Variants in NREP observed in about 807,000 individuals in gnomAD.
NREP encodes neuronal regeneration related protein.
In NREP, 5 loss-of-function variants were observed where a neutral mutation model predicts 8.6. The observed-to-expected ratio is 0.58, with a 90% CI of 0.30 to 1.22. The LOEUF is 1.22. NREP is among the 50% of genes most tolerant of loss of function. The pLI, the probability that NREP is intolerant of heterozygous loss-of-function variation, is 0.07. For synonymous variants in NREP, 27 were observed against 28.0 expected (o/e 0.96, Z 0.11); for missense variants, 86 against 82.5 (o/e 1.04, Z -0.17).
intron 2 of NREP, among the ~76,000 whole-genome samples, chr5:111,844,677 ATT>A (rs994732861): frequency 6.1e-5 from 9 of 146,708 alleles, no homozygotes; most frequent in Admixed American, 2.1e-4. Context: ...TTATATATAT[ATT>A]ATATATATAT....
At chr5:111,740,764 T>C (rs1046462172) in intron 2 of NREP, among the ~76,000 whole-genome samples, 7 of 152,212 alleles carry the variant, frequency 4.6e-5, no homozygotes, top group African/African-American at 1.7e-4. Context: ...ATGGTCCAAA[T>C]ACAGAATCAA....
At chr5:111,947,318 T>C (rs1756016504) in intron 2 of NREP, among the ~76,000 whole-genome samples, 1 of 151,992 alleles carries the variant, frequency 6.6e-6, no homozygotes, top group Non-Finnish European at 1.5e-5. Context: ...TCAATGTTCT[T>C]TCAATTAAGA....
In NREP at chr5:111,783,305, C is replaced by T. The variant is rs77382037; in HGVS notation, c.136-47798G>A. Among the ~76,000 whole-genome samples, 1,203 of 152,266 alleles carry T rather than the reference C, an allele frequency of 7.9e-3. 19 individuals are homozygous for T. Among genetic ancestry groups the T allele is most frequent in the African/African-American group, 0.028 (1,156 of 41,534 alleles). ...ATTCCTGCTTTAGCAGATTTTGTAA[C>T]TTGAAATTTTGATTTCCTTAAATGG... is the stretch of plus-strand genomic sequence containing the variant. On this transcript the variant is annotated intron_variant, in intron 2 of 3. Transcript: ENST00000395634.
chr5:111,869,193 C>A (rs1392431124), intron 2 of NREP, among the ~76,000 whole-genome samples: 1 of 152,162 alleles, frequency 6.6e-6, no homozygotes, highest in Non-Finnish European at 1.5e-5. Flanking sequence ...TATAGAATCT[C>A]CACACTCACA....
chr5:111,976,364 C>G (rs1756963734), intron 1 of NREP, among the ~76,000 whole-genome samples: 1 of 152,174 alleles, frequency 6.6e-6, no homozygotes, highest in African/African-American at 2.4e-5. Context: ...CTGGAACATT[C>G]CTCTTTGCCA....
chr5:111,904,499 A>T (rs918197052), intron 2 of NREP, among the ~76,000 whole-genome samples: 18 of 152,190 alleles, frequency 1.2e-4, no homozygotes, highest in Admixed American at 4.6e-4. Context: ...ATATCATTGG[A>T]ATTATATAGT....
chr5:111,866,132 A>G (rs1056726143), intron 2 of NREP, among the ~76,000 whole-genome samples: 3 of 152,308 alleles, frequency 2.0e-5, no homozygotes, highest in African/African-American at 7.2e-5. Context: ...AATGGCAACA[A>G]AAGCCAAAAT....
At chr5:111,949,978 T>TG (rs1334394983) in intron 2 of NREP, among the ~76,000 whole-genome samples, 1 of 152,152 alleles carries the variant, frequency 6.6e-6, no homozygotes, top group Non-Finnish European at 1.5e-5. Context: ...TGGTTATTTC[T>TG]GGTTCTAGAT....
intron 2 of NREP, among the ~76,000 whole-genome samples, chr5:111,951,997 T>G (rs912338651): frequency 6.6e-6 from 1 of 152,118 alleles, no homozygotes; most frequent in Non-Finnish European, 1.5e-5. Context: ...CTATTCTCTT[T>G]CCTGACACTC....
chr5:111,918,028 A>G (rs1439659506), intron 2 of NREP, among the ~76,000 whole-genome samples: 1 of 152,214 alleles, frequency 6.6e-6, no homozygotes, highest in Non-Finnish European at 1.5e-5. Context: ...TACAAAATCA[A>G]TATGCAAAAA....
intron 2 of NREP, among the ~76,000 whole-genome samples, chr5:111,816,865 AC>A (rs1444982262): frequency 6.6e-6 from 1 of 151,870 alleles, no homozygotes; most frequent in Non-Finnish European, 1.5e-5. Context: ...CACTATAACA[AC>A]CAAAAATTTG....
At chr5:111,833,806 C>G (rs577068799) in intron 2 of NREP, among the ~76,000 whole-genome samples, 1 of 152,124 alleles carries the variant, frequency 6.6e-6, no homozygotes, top group Non-Finnish European at 1.5e-5. Context: ...TAGAAATATG[C>G]GGTGGGTATT....
intron 2 of NREP, among the ~76,000 whole-genome samples, chr5:111,848,231 G>A (rs1753227508): frequency 6.6e-6 from 1 of 150,714 alleles, no homozygotes; most frequent in Non-Finnish European, 1.5e-5. Context: ...AAGTTAGTAA[G>A]TTCTTTCTTT....
At chr5:111,790,813 A>G (rs1452734135) in intron 2 of NREP, among the ~76,000 whole-genome samples, 1 of 152,158 alleles carries the variant, frequency 6.6e-6, no homozygotes, top group Non-Finnish European at 1.5e-5. Context: ...TGAACAACAC[A>G]GGTTTAAATT....
intron 2 of NREP, among the ~76,000 whole-genome samples, chr5:111,964,316 C>A (rs577069764): frequency 8.6e-4 from 130 of 152,024 alleles, no homozygotes; most frequent in Non-Finnish European, 1.5e-3. Flanking sequence ...TATAATATTC[C>A]ACATATTTCA....
At chr5:111,847,419 C>T (rs984065344) in intron 2 of NREP, among the ~76,000 whole-genome samples, 18 of 152,140 alleles carry the variant, frequency 1.2e-4, no homozygotes, top group Admixed American at 3.3e-4. Context: ...CCCAAGGTCT[C>T]ATTTCCAAAT....
intron 2 of NREP, among the ~76,000 whole-genome samples, chr5:111,889,874 C>T (rs529298814): frequency 9.2e-5 from 14 of 151,582 alleles, no homozygotes; most frequent in South Asian, 6.3e-4. Flanking sequence ...TATTCTCTTG[C>T]GGGCAGGGGT....
intron 2 of NREP, among the ~76,000 whole-genome samples, chr5:111,751,961 T>C (rs1750389238): frequency 6.6e-6 from 1 of 152,212 alleles, no homozygotes; most frequent in South Asian, 2.1e-4. Flanking sequence ...CCAGTGCATC[T>C]GAATGCCACA....
intron 2 of NREP, among the ~76,000 whole-genome samples, chr5:111,958,964 A>G (rs551146606): frequency 2.6e-4 from 39 of 152,064 alleles, no homozygotes; most frequent in African/African-American, 8.4e-4. Context: ...GGTATATCAC[A>G]AATCCCTGGG....
Sources: allele counts gnomAD v4.1 joint callset (sites outside exome capture counted in the v4.1 genomes callset), GRCh38; gene constraint gnomAD v4.1.1; transcripts MANE v1.5; gene names NCBI Gene and HGNC (gene_info 2026-07-23, HGNC 2026-07-21).